DOP1B: variants seen among roughly 807,000 people sequenced by gnomAD.
The protein encoded by DOP1B is DOP1 leucine zipper like protein B, also known as protein DOP1B.
A neutral mutation model predicts 233.5 loss-of-function variants in DOP1B; 174 were observed. The observed-to-expected ratio is 0.75, with a 90% CI of 0.66 to 0.85. The LOEUF (loss-of-function observed/expected upper bound fraction) is 0.85, where lower values mean the gene tolerates loss of function less well. DOP1B is among the 40% of genes least tolerant of loss of function. DOP1B has a pLI of 0.00. For missense variants in DOP1B, 2,652 were observed against 2,846.6 expected (o/e 0.93, Z 1.56); for synonymous variants, 1,190 against 1,185.6 (o/e 1.00, Z -0.08).
intron 12 of DOP1B, 88 bp from the exon 13 acceptor site, chr21:36,227,598 A>G: frequency 8.4e-7 from 1 of 1,195,362 alleles, no homozygotes. Context: ...TATGCCCTAA[A>G]AAATTGAATT....
At chr21:36,229,515 AATG>A (rs1368221998) in intron 13 of DOP1B, among the ~76,000 whole-genome samples, 1 of 151,918 alleles carries the variant, frequency 6.6e-6, no homozygotes, top group Non-Finnish European at 1.5e-5. Context: ...GGCCCACTCT[AATG>A]ATCTCATCTT....
chr21:36,224,712 A>G (rs1007790467), intron 11 of DOP1B, among the ~76,000 whole-genome samples: 2 of 148,860 alleles, frequency 1.3e-5, no homozygotes, highest in Non-Finnish European at 3.0e-5. Context: ...TAACTTACCC[A>G]TTTATCTAGT....
At chr21:36,169,197 T>TA in intron 2 of DOP1B, 1 of 1,038,984 alleles carries the variant, frequency 9.6e-7, no homozygotes, top group East Asian at 2.4e-5. Context: ...ATAACAGAGT[T>TA]ATTGGTCACT....
At position 36,227,837 on chromosome 21, in the gene DOP1B, C is replaced by T; in HGVS notation, c.1625C>T (p.Pro542Leu). ...AAGGTGCTCAGCAAAGTCCAGATGC[C>T]TCCTTCCTACCTCGACACGGAGTCC... ...CFKVLSKVQM[P>L]PSYLDTESTS... Residue 542 changes from proline to leucine, a missense_variant, in exon 13 of 37, where the codon CCT becomes CTT. Physicochemically the swap from Pro to Leu is moderately conservative, Grantham distance 98. Around this residue, in one of 3 missense-constraint regions of DOP1B, gnomAD observed 2,617 missense variants for 2,794.3 expected, o/e 0.94. Transcript: ENST00000691173. The T allele has an allele frequency of 6.2e-7, 1 of 1,609,904 alleles. No homozygotes were observed. Among genetic ancestry groups the T allele is most frequent in the East Asian group, 2.2e-5 (1 of 44,744 alleles).
At position 36,289,187 on chromosome 21, in the gene DOP1B, A is replaced by T; in HGVS notation, c.6496A>T (p.Lys2166Ter). ...LDTALSFPPD[K>*]MPLFQIYRWA... ...CACAGCGCTTTCTTTTCCACCTGAC[A>T]AGATGCCATTATTTCAAATGTAAGT... The change falls in exon 35 of 37, where the codon AAG becomes TAG. Residue 2166 changes from lysine to a stop codon, truncating the protein, a stop_gained. Coordinates refer to ENST00000691173, the MANE Select transcript of DOP1B (RefSeq NM_001320714.2). LOFTEE classifies it high-confidence loss of function. 1 of 1,613,584 alleles carries T rather than the reference A, an allele frequency of 6.2e-7. No individual in the cohort carries two copies. Among genetic ancestry groups the T allele is most frequent in the Non-Finnish European group, 8.5e-7 (1 of 1,179,940 alleles).
intron 15 of DOP1B, among the ~76,000 whole-genome samples, chr21:36,233,632 G>A (rs1003203086): frequency 2.0e-5 from 3 of 152,156 alleles, no homozygotes; most frequent in East Asian, 1.9e-4. Flanking sequence ...TAGGTTTTCC[G>A]GAATAAATGT....
At chr21:36,174,720 C>T (rs977214863) in intron 2 of DOP1B, among the ~76,000 whole-genome samples, 2 of 152,160 alleles carry the variant, frequency 1.3e-5, no homozygotes, top group African/African-American at 4.8e-5. Flanking sequence ...ACTATGTTGC[C>T]CAGGCAGGTC....
rs1320241660 is a variant in DOP1B, at chr21:36,173,088, C to T, written c.138+8217C>T. ...TGAGCCAAGATTGCACCACTGCACT[C>T]CAGCCTTGGGGACAGAGGAAGACTC... On this transcript the variant is annotated intron_variant, in intron 2 of 36. Transcript: ENST00000691173. 5.3e-5 allele frequency among the ~76,000 whole-genome samples: 8 copies of T among 152,200 alleles called. No homozygotes were observed. In the South Asian group the frequency reaches 1.7e-3, roughly 32 times the overall value.
intron 14 of DOP1B, 25 bp downstream of exon 14, chr21:36,231,159 C>T: frequency 2.6e-6 from 4 of 1,553,484 alleles, no homozygotes; most frequent in Non-Finnish European, 3.5e-6. Context: ...TGCCGAAGTC[C>T]CTCTTTGGGA....
chr21:36,167,704 A>C, intron 2 of DOP1B, among the ~76,000 whole-genome samples: 1 of 149,194 alleles, frequency 6.7e-6, no homozygotes, highest in South Asian at 2.2e-4. Flanking sequence ...GTTCCTCCCC[A>C]TTCCTCCCTC....
chr21:36,208,202 CT>C (rs143870820), intron 4 of DOP1B, among the ~76,000 whole-genome samples: 4,491 of 152,272 alleles, frequency 0.029, 173 homozygotes, highest in African/African-American at 0.096. Context: ...AGATTTGCCC[CT>C]AGCATTTCTA....
chr21:36,212,036 C>T lies in DOP1B; in HGVS notation c.843C>T (p.Ala281=). 6.2e-7 allele frequency: 1 copy of T among 1,614,016 alleles called. No homozygotes were observed. The highest frequency in any genetic ancestry group is 2.2e-5 in the East Asian group (1 of 44,878). ...ACATCGTGCGCATTCTCTCAGCCGCCACCCAGACCCTACTGAGAAGGGACA... is the reference window on the plus strand; with the variant it reads ...ACATCGTGCGCATTCTCTCAGCCGCTACCCAGACCCTACTGAGAAGGGACA... ...RSDIVRILSA[A]TQTLLRRDMS... The change falls in exon 7 of 37, where the codon GCC becomes GCT. Residue 281 remains alanine (A), a synonymous_variant. Coordinates refer to ENST00000691173, the MANE Select transcript of DOP1B (RefSeq NM_001320714.2).
In DOP1B at chr21:36,243,758, G is replaced by A. The variant is rs185173831; in HGVS notation, c.3068-1290G>A. Among the ~76,000 whole-genome samples the A allele has an allele frequency of 5.5e-4, 83 of 151,326 alleles. 1 individual carries two copies. The East Asian group carries it at 0.014, about 26-fold the overall frequency. On this transcript the variant is annotated intron_variant, in intron 18 of 36. Transcript: ENST00000691173. The stretch of plus-strand genomic sequence containing the variant: ...CACCATCATAGCTCACTGCAGTCTC[G>A]AACTCCTGGGCTCAAGAGACCCTCC...
Position 36,246,462 on chromosome 21 carries a change from C to G in DOP1B, c.4482C>G (p.Thr1494=). 1.2e-6 allele frequency: 2 copies of G among 1,614,042 alleles called. No individual in the cohort carries two copies. Among genetic ancestry groups the G allele is most frequent in the Non-Finnish European group, 1.7e-6 (2 of 1,180,002 alleles). ...ALQYVQPHPL[T]SQGLLVSAVV... ...AGTACGTGCAGCCCCACCCCCTCAC[C>G]TCCCAGGGTCTTCTGGTCTCTGCGG... The change falls in exon 19 of 37, where the codon ACC becomes ACG. Residue 1494 remains threonine (T), a synonymous_variant. Transcript: ENST00000691173. This position sits in a 1 kb window ranked among gnomAD's most constrained non-coding sequence, Gnocchi z 5.1.
chr21:36,214,914 CT>C (rs1302969781), intron 9 of DOP1B, among the ~76,000 whole-genome samples: 1 of 152,118 alleles, frequency 6.6e-6, no homozygotes, highest in East Asian at 1.9e-4. Context: ...CGTGGTGGTG[CT>C]TCCCTGTAGT....
intron 24 of DOP1B, chr21:36,261,564 C>T: frequency 1.0e-6 from 1 of 985,370 alleles, no homozygotes; most frequent in Non-Finnish European, 1.2e-6. Context: ...GGACCTCATT[C>T]AGATCTTACA....
At chr21:36,276,938 C>A (rs2067356566) in intron 27 of DOP1B, 83 bp from the exon 28 acceptor site, 1 of 1,374,458 alleles carries the variant, frequency 7.3e-7, no homozygotes, top group South Asian at 1.2e-5. Context: ...GCTGATGGCT[C>A]ACATTCATGC....
intron 9 of DOP1B, among the ~76,000 whole-genome samples, chr21:36,217,929 A>G (rs2066579618): frequency 6.6e-6 from 1 of 152,242 alleles, no homozygotes; most frequent in African/African-American, 2.4e-5. Flanking sequence ...GAGCCAAGTA[A>G]ACGTTGCTGC....
At chr21:36,280,168 C>A in intron 30 of DOP1B, 117 bp from the exon 31 acceptor site, 1 of 714,816 alleles carries the variant, frequency 1.4e-6, no homozygotes, top group Non-Finnish European at 2.2e-6. Flanking sequence ...AGCCACTGCA[C>A]CTGGCCCAGA....
Sources: allele counts gnomAD v4.1 joint callset (sites outside exome capture counted in the v4.1 genomes callset), GRCh38; gene constraint gnomAD v4.1.1; regional missense constraint gnomAD v4.1.1; non-coding constraint Gnocchi (gnomAD v3.1); transcripts MANE v1.5; gene names NCBI Gene and HGNC (gene_info 2026-07-23, HGNC 2026-07-21).